The following GFM1 variants were observed in gnomAD, a reference collection of about 807,000 sequenced individuals.
GFM1 encodes G elongation factor mitochondrial 1.
GFM1 carries 62 observed loss-of-function variants against 96.2 expected under a neutral mutation model. The observed-to-expected ratio is 0.64, with a 90% CI of 0.53 to 0.80. The LOEUF (loss-of-function observed/expected upper bound fraction) is 0.80, where lower values mean the gene tolerates loss of function less well. Ranked by LOEUF, GFM1 falls within the 30% of genes least tolerant of loss-of-function variation. The pLI is 0.00. For synonymous variants in GFM1, 282 were observed against 312.9 expected (o/e 0.90, Z 1.04); for missense variants, 852 against 916.6 (o/e 0.93, Z 0.91).
chr3:158,684,067 T>C lies in GFM1; in HGVS notation c.1765-457T>C, dbSNP rs1240843223. On this transcript the variant is annotated intron_variant, in intron 14 of 17. Transcript: ENST00000486715. ...TTGCAGGGAGGGGCATGGATGGAGC[T>C]AGAGGCCATTATCTTTAGCAAACTA... 2.6e-5 allele frequency among the ~76,000 whole-genome samples: 4 copies of C among 152,172 alleles called. No individual in the cohort carries two copies. In the East Asian group the frequency reaches 7.7e-4, roughly 29 times the overall value.
intron 13 of GFM1, among the ~76,000 whole-genome samples, chr3:158,670,409 A>C (rs1207805988): frequency 6.6e-6 from 1 of 152,096 alleles, no homozygotes; most frequent in African/African-American, 2.4e-5. Context: ...AAATTACTTC[A>C]CTCATTTATA....
chr3:158,679,638 T>C (rs1725198825), intron 13 of GFM1, among the ~76,000 whole-genome samples: 1 of 152,208 alleles, frequency 6.6e-6, no homozygotes, highest in African/African-American at 2.4e-5. Context: ...CTCTAAATTT[T>C]TTTTTCCTTT....
In GFM1 at chr3:158,646,808, C is replaced by G. The variant is rs754305184; in HGVS notation, c.433C>G (p.Leu145Val). The stretch of plus-strand genomic sequence containing the variant: ...AGTGTTGGATGGTGCAGTCCTTGTT[C>G]TCTGTGCTGTTGGAGGGGTACAGTG... ...LRVLDGAVLV[L>V]CAVGGVQCQT... The change falls in exon 4 of 18, where the codon CTC becomes GTC. Residue 145 changes from leucine to valine, a missense_variant. Physicochemically the swap from Leu to Val is conservative, Grantham distance 32 (BLOSUM62 1). Coordinates refer to ENST00000486715, the MANE Select transcript of GFM1 (RefSeq NM_024996.7). 6.2e-7 allele frequency: 1 copy of G among 1,614,188 alleles called. No individual in the cohort carries two copies. The highest frequency in any genetic ancestry group is 2.2e-5 in the East Asian group (1 of 44,880).
intron 13 of GFM1, among the ~76,000 whole-genome samples, chr3:158,671,399 C>T (rs1364297321): frequency 6.6e-6 from 1 of 152,166 alleles, no homozygotes; most frequent in East Asian, 1.9e-4. Context: ...GCTCAGTGTA[C>T]CCTCCAAATA....
At chr3:158,653,560 C>T (rs934869857) in intron 7 of GFM1, 93 bp downstream of exon 7, 5 of 955,908 alleles carry the variant, frequency 5.2e-6, no homozygotes, top group Non-Finnish European at 8.1e-6. Context: ...TTAATTATGT[C>T]TGTGATTTTT....
At position 158,690,266 on chromosome 3, in the gene GFM1, C is replaced by T. The variant is rs751838208; in HGVS notation, c.2013C>T (p.Arg671=). The change falls in exon 16 of 18, where the codon CGC becomes CGT. Residue 671 remains arginine (R), a synonymous_variant. Transcript: ENST00000486715. ...QGQVIAGINR[R]HGVITGQDGV... is the part of the protein sequence containing the mutation. ...AAGTAATTGCAGGAATTAACCGACGCCATGGGGTAATCACTGGGCAAGATG... is the reference window on the plus strand; with the variant it reads ...AAGTAATTGCAGGAATTAACCGACGTCATGGGGTAATCACTGGGCAAGATG... The T allele has an allele frequency of 2.5e-6, 4 of 1,613,660 alleles. No homozygotes were observed. Among genetic ancestry groups the T allele is most frequent in the African/African-American group, 2.7e-5 (2 of 74,876 alleles).
intron 5 of GFM1, chr3:158,649,850 C>A: frequency 1.6e-6 from 1 of 622,688 alleles, no homozygotes; most frequent in South Asian, 1.9e-5. Flanking sequence ...TGGGGTGGGG[C>A]CCGTAGTTTG....
intron 13 of GFM1, among the ~76,000 whole-genome samples, chr3:158,671,501 T>G (rs1298078134): frequency 6.6e-6 from 1 of 152,230 alleles, no homozygotes; most frequent in Non-Finnish European, 1.5e-5. Flanking sequence ...ACTTATACAT[T>G]AGTGAAACTG....
intron 15 of GFM1, chr3:158,684,927 A>C: frequency 2.6e-6 from 1 of 385,932 alleles, no homozygotes; most frequent in Non-Finnish European, 4.7e-6. Context: ...GATAATTTAT[A>C]AGTTCTGTTT....
In GFM1 at chr3:158,644,579, C is replaced by A; in HGVS notation, c.-56C>A. ...ACTTTGACCGCTTCCCGGTGCGTTA[C>A]CGGCAGCTGAACCCACCCGGCGCCA... On this transcript the variant is annotated 5_prime_UTR_variant, in exon 1 of 18. Transcript: ENST00000486715. The A allele has an allele frequency of 6.9e-7, 1 of 1,442,360 alleles. No homozygotes were observed. The highest frequency in any genetic ancestry group is 9.5e-7 in the Non-Finnish European group (1 of 1,050,680). The allele number at this position is 1,442,360 out of a possible 1,614,324, so 89.3% of individuals were successfully genotyped here. A position where few individuals can be genotyped will look rare whatever the true frequency, so the allele number is the denominator to read the frequency against.
chr3:158,646,964 T>G lies in GFM1; in HGVS notation c.572+17T>G, dbSNP rs771642587. 4 of 1,596,372 alleles carry G rather than the reference T, an allele frequency of 2.5e-6. No individual in the cohort carries two copies. The Admixed American group carries it at 6.7e-5, about 27-fold the overall frequency. On this transcript the variant is annotated intron_variant, in intron 4 of 17. Coordinates refer to ENST00000486715, the MANE Select transcript of GFM1 (RefSeq NM_024996.7). ...GCAAATGAGGTAATGAGCCTTAGAA[T>G]AAACAAAGAGGATGTGATGATCTAG...
chr3:158,667,110 TA>T, intron 13 of GFM1: 1 of 1,531,088 alleles, frequency 6.5e-7, no homozygotes, highest in Non-Finnish European at 8.8e-7. Context: ...GTTTAAAACT[TA>T]ATATCTTTGG....
At position 158,678,018 on chromosome 3, in the gene GFM1, A is replaced by G. The variant is rs762725505; in HGVS notation, c.1602-3977A>G. Among the ~76,000 whole-genome samples, 110 of 152,330 alleles carry G rather than the reference A, an allele frequency of 7.2e-4. 1 individual carries two copies. Among genetic ancestry groups the G allele is most frequent in the Admixed American group, 3.9e-4 (6 of 15,300 alleles). On this transcript the variant is annotated intron_variant, in intron 13 of 17. Coordinates refer to ENST00000486715, the MANE Select transcript of GFM1 (RefSeq NM_024996.7). Reference sequence around the variant, plus strand: ...TCCTAGGGCCCATAATAATTATGCTAAATCTACTCTGCTTGTATTCTGCAA... The same window carrying G: ...TCCTAGGGCCCATAATAATTATGCTGAATCTACTCTGCTTGTATTCTGCAA...
intron 15 of GFM1, 174 bp downstream of exon 15, chr3:158,684,842 C>T (rs947679762): frequency 1.6e-6 from 1 of 631,152 alleles, no homozygotes. Context: ...ATTATGTTCT[C>T]TTTCTTGCAA....
At chr3:158,645,856 T>C in intron 2 of GFM1, 75 bp downstream of exon 2, 1 of 1,308,352 alleles carries the variant, frequency 7.6e-7, no homozygotes, top group Non-Finnish European at 1.1e-6. Context: ...TTAATAAAGC[T>C]TATAAACCTG....
chr3:158,644,544 T>G lies in GFM1; in HGVS notation c.-91T>G. On this transcript the variant is annotated 5_prime_UTR_variant, in exon 1 of 18. Transcript: ENST00000486715. The stretch of plus-strand genomic sequence containing the variant: ...CCGGAAGTGCTCTTACAACATTGGC[T>G]GCCGGCGTGACTTTGACCGCTTCCC... 1 of 1,018,086 alleles carries G rather than the reference T, an allele frequency of 9.8e-7. No homozygotes were observed. Among genetic ancestry groups the G allele is most frequent in the Non-Finnish European group, 1.5e-6 (1 of 667,466 alleles). The allele number at this position is 1,018,086 out of a possible 1,614,324, so 63.1% of individuals were successfully genotyped here.
In GFM1 at chr3:158,690,275, A is replaced by G; in HGVS notation, c.2022A>G (p.Val674=). The G allele has an allele frequency of 6.2e-7, 1 of 1,614,000 alleles. No homozygotes were observed. The highest frequency in any genetic ancestry group is 8.5e-7 in the Non-Finnish European group (1 of 1,179,872). ...VIAGINRRHG[V]ITGQDGVEDY... ...CAGGAATTAACCGACGCCATGGGGTAATCACTGGGCAAGATGGAGTTGAGG... is the reference window on the plus strand; with the variant it reads ...CAGGAATTAACCGACGCCATGGGGTGATCACTGGGCAAGATGGAGTTGAGG... Residue 674 remains valine (V), a synonymous_variant, in exon 16 of 18, where the codon GTA becomes GTG. Transcript: ENST00000486715.
intron 7 of GFM1, 47 bp from the exon 8 acceptor site, chr3:158,654,500 A>T: frequency 8.8e-7 from 1 of 1,138,290 alleles, no homozygotes; most frequent in Non-Finnish European, 1.3e-6. Context: ...ATATAAAAGA[A>T]ATATCATATA....
chr3:158,688,752 T>A (rs1036704015), intron 15 of GFM1, among the ~76,000 whole-genome samples: 1 of 152,084 alleles, frequency 6.6e-6, no homozygotes, highest in Non-Finnish European at 1.5e-5. Context: ...AGCATAGGAG[T>A]CTGCAGTATC....
Sources: gnomAD v4.1 joint callset for allele counts (sites outside exome capture counted in the v4.1 genomes callset) on GRCh38, gnomAD v4.1.1 for gene constraint, MANE v1.5 for transcripts, NCBI Gene and HGNC (gene_info 2026-07-23, HGNC 2026-07-21) for gene names.